The following TAFA2 variants were observed in gnomAD, a reference collection of about 807,000 sequenced individuals.
TAFA2 encodes chemokine-like protein TAFA-2.
In TAFA2, 7 loss-of-function variants were observed where a neutral mutation model predicts 18.8. The ratio of observed to expected loss-of-function variants is 0.37; its 90% CI spans 0.21 to 0.70. The LOEUF (loss-of-function observed/expected upper bound fraction) is 0.70, where lower values mean the gene tolerates loss of function less well. Ranked by LOEUF, TAFA2 falls within the 30% of genes least tolerant of loss-of-function variation. The probability of loss-of-function intolerance (pLI) is 0.53; values close to 1 mark genes in which losing one functional copy is unlikely to be tolerated. For synonymous variants in TAFA2, 60 were observed against 54.2 expected, an observed-to-expected ratio of 1.11 and a Z score of -0.47; for missense variants, 122 against 158.1, an observed-to-expected ratio of 0.77 and a Z score of 1.23.
intron 1 of TAFA2, among the ~76,000 whole-genome samples, chr12:61,923,210 A>G (rs1877133108): frequency 6.6e-6 from 1 of 152,194 alleles, no homozygotes; most frequent in Non-Finnish European, 1.5e-5. Flanking sequence ...AGAGAGCAGT[A>G]GATCTCCCAG....
intron 4 of TAFA2, among the ~76,000 whole-genome samples, chr12:61,723,367 G>A (rs1869994000): frequency 6.6e-6 from 1 of 152,126 alleles, no homozygotes; most frequent in South Asian, 2.1e-4. Flanking sequence ...AACAATGGAT[G>A]CATGGAGAGA....
At chr12:61,896,640 C>T (rs1875858439) in intron 1 of TAFA2, among the ~76,000 whole-genome samples, 1 of 152,198 alleles carries the variant, frequency 6.6e-6, no homozygotes, top group African/African-American at 2.4e-5. Context: ...CTGTACCTTA[C>T]ATGTGAGCCT....
intron 1 of TAFA2, among the ~76,000 whole-genome samples, chr12:62,011,318 G>A (rs1171107687): frequency 2.6e-5 from 4 of 152,120 alleles, no homozygotes; most frequent in African/African-American, 9.7e-5. Flanking sequence ...AGGGGGAAAT[G>A]TGGGGAAAAG....
intron 1 of TAFA2, among the ~76,000 whole-genome samples, chr12:62,003,405 T>C (rs969862172): frequency 3.3e-5 from 5 of 152,030 alleles, no homozygotes; most frequent in African/African-American, 1.2e-4. Flanking sequence ...TTAGACAAGC[T>C]CCCACCTCAG....
chr12:62,215,072 GA>G (rs2062728639), intron 1 of TAFA2, among the ~76,000 whole-genome samples: 1 of 152,186 alleles, frequency 6.6e-6, no homozygotes, highest in African/African-American at 2.4e-5. Flanking sequence ...TCACCTAAGA[GA>G]GAGTACTAAG....
intron 1 of TAFA2, among the ~76,000 whole-genome samples, chr12:61,929,708 A>G (rs1271198792): frequency 2.6e-5 from 4 of 152,170 alleles, no homozygotes; most frequent in East Asian, 1.9e-4. Context: ...ATGCACATGT[A>G]TGTTTATTGC....
intron 2 of TAFA2, among the ~76,000 whole-genome samples, chr12:61,798,403 G>A (rs866747747): frequency 4.6e-5 from 7 of 152,020 alleles, no homozygotes; most frequent in African/African-American, 7.3e-5. Flanking sequence ...AGGTATATGC[G>A]TAAGTTACAC....
chr12:62,234,903 TG>T (rs2062829424), intron 1 of TAFA2: 1 of 948,406 alleles, frequency 1.1e-6, no homozygotes. Flanking sequence ...GGGCATCTTG[TG>T]GGGGCAACAT....
At chr12:62,124,130 G>C (rs542885273) in intron 1 of TAFA2, among the ~76,000 whole-genome samples, 1 of 152,106 alleles carries the variant, frequency 6.6e-6, no homozygotes, top group South Asian at 2.1e-4. Context: ...TAGAAGAATG[G>C]TAGAATTCAT....
chr12:62,216,944 A>G (rs1427770888), intron 1 of TAFA2, among the ~76,000 whole-genome samples: 1 of 152,194 alleles, frequency 6.6e-6, no homozygotes, highest in Non-Finnish European at 1.5e-5. Context: ...AAACCCTATA[A>G]GGGTTCAGGG....
At chr12:62,196,939 G>A (rs1041482041), upstream of TAFA2, among the ~76,000 whole-genome samples, 4 of 152,160 alleles carry the variant, frequency 2.6e-5, no homozygotes, top group African/African-American at 9.6e-5. Flanking sequence ...AACCCCCAGG[G>A]ACTGGTACCC....
At chr12:61,807,779 C>A (rs890575760) in intron 2 of TAFA2, among the ~76,000 whole-genome samples, 8 of 151,468 alleles carry the variant, frequency 5.3e-5, no homozygotes, top group African/African-American at 1.7e-4. Flanking sequence ...TAAGATTTGA[C>A]CGCCCCACTG....
chr12:61,718,531 A>T (rs971623443), intron 4 of TAFA2, among the ~76,000 whole-genome samples: 1 of 152,230 alleles, frequency 6.6e-6, no homozygotes, highest in Non-Finnish European at 1.5e-5. Flanking sequence ...AGTCAACAGC[A>T]TATGGAATAA....
chr12:62,198,099 T>C (rs964307596), intron 1 of TAFA2: 1 of 152,190 alleles, frequency 6.6e-6, no homozygotes, highest in Non-Finnish European at 1.5e-5. Flanking sequence ...TCTAGCTTTC[T>C]ACAAAAGGCT....
At chr12:61,849,904 C>T (rs971843) in intron 2 of TAFA2, among the ~76,000 whole-genome samples, 14,948 of 151,978 alleles carry the variant, frequency 0.098, 943 homozygotes, top group East Asian at 0.19. Context: ...ATATTAGTTC[C>T]TCCAAGTCCT....
chr12:61,946,361 A>C (rs919237014), intron 1 of TAFA2, among the ~76,000 whole-genome samples: 10 of 140,284 alleles, frequency 7.1e-5, no homozygotes, highest in Non-Finnish European at 1.4e-4. Flanking sequence ...ACCCTAGAAG[A>C]AAACCTAGGC....
chr12:61,863,246 TGGGGTA>T (rs754611808), intron 2 of TAFA2, among the ~76,000 whole-genome samples: 4 of 152,092 alleles, frequency 2.6e-5, no homozygotes, highest in Non-Finnish European at 5.9e-5. Context: ...TCAATGTTGA[TGGGGTA>T]AATGTAAAGG....
chr12:62,060,222 A>T (rs1247977320), intron 1 of TAFA2, among the ~76,000 whole-genome samples: 2 of 152,268 alleles, frequency 1.3e-5, no homozygotes, highest in Non-Finnish European at 2.9e-5. Flanking sequence ...AAGCTTCTAC[A>T]GGCAGACAGA....
At chr12:61,993,530 A>G (rs903052371) in intron 1 of TAFA2, among the ~76,000 whole-genome samples, 6 of 152,184 alleles carry the variant, frequency 3.9e-5, no homozygotes, top group Admixed American at 1.3e-4. Flanking sequence ...ACAAATATGT[A>G]AAAGAACACA....
Sources: allele counts gnomAD v4.1 joint callset (sites outside exome capture counted in the v4.1 genomes callset), GRCh38; gene constraint gnomAD v4.1.1; transcripts MANE v1.5; gene names NCBI Gene and HGNC (gene_info 2026-07-23, HGNC 2026-07-21).